Variants in GOLGA6L25 observed in about 807,000 individuals in gnomAD.
GOLGA6L25 encodes golgin A6 family like 25.
the GOLGA6L25 span, among the ~76,000 whole-genome samples, chr15:28,558,209 A>T: frequency 3.1e-4 from 21 of 67,984 alleles, 2 homozygotes; most frequent in South Asian, 4.2e-4. Context: ...GTGCCATTGC[A>T]CTCCAGTGAG....
At chr15:28,558,241 C>T in the GOLGA6L25 span, among the ~76,000 whole-genome samples, 1 of 71,108 alleles carries the variant, frequency 1.4e-5, no homozygotes, top group African/African-American at 6.2e-5. Flanking sequence ...TGAAACTCTG[C>T]CAAAAAAAAA....
At chr15:28,559,348 A>G in the GOLGA6L25 span, among the ~76,000 whole-genome samples, 2 of 74,912 alleles carry the variant, frequency 2.7e-5, no homozygotes, top group African/African-American at 1.3e-4. Context: ...GCTTCACGCC[A>G]TTCTCCTGCC....
At chr15:28,553,694 T>A in the GOLGA6L25 span, 2 of 520,480 alleles carry the variant, frequency 3.8e-6, no homozygotes, top group Non-Finnish European at 6.9e-6. Context: ...TCCCTACCCA[T>A]CCCCACCTCC....
chr15:28,558,242 CAA>C, the GOLGA6L25 span, among the ~76,000 whole-genome samples: 40 of 64,026 alleles, frequency 6.2e-4, no homozygotes, highest in Admixed American at 4.7e-3. Context: ...GAAACTCTGC[CAA>C]AAAAAAAAAA....
the GOLGA6L25 span, among the ~76,000 whole-genome samples, chr15:28,554,285 T>TC: frequency 1.3e-4 from 10 of 78,812 alleles, no homozygotes; most frequent in East Asian, 1.3e-3. Context: ...CACTCATGTG[T>TC]CCCCCCCAAC....
At chr15:28,556,416 TC>T in the GOLGA6L25 span, among the ~76,000 whole-genome samples, 1 of 127,676 alleles carries the variant, frequency 7.8e-6, no homozygotes, top group Non-Finnish European at 1.6e-5. Flanking sequence ...TTGGGGGCAC[TC>T]AGATGTAGAG....
At chr15:28,555,864 GT>G in the GOLGA6L25 span, among the ~76,000 whole-genome samples, 1 of 30,394 alleles carries the variant, frequency 3.3e-5, no homozygotes, top group Non-Finnish European at 6.0e-5. Context: ...CTGAGGTAGA[GT>G]TAGAGAGTAT....
the GOLGA6L25 span, among the ~76,000 whole-genome samples, chr15:28,559,429 G>C: frequency 1.2e-5 from 1 of 82,716 alleles, no homozygotes; most frequent in Non-Finnish European, 2.2e-5. Context: ...ATTTTTAGTA[G>C]AGACGGGGTT....
Sources: allele counts gnomAD v4.1 joint callset (sites outside exome capture counted in the v4.1 genomes callset), GRCh38; gene constraint gnomAD v4.1.1; transcripts MANE v1.5; gene names NCBI Gene and HGNC (gene_info 2026-07-23, HGNC 2026-07-21).